The following SOCS4 variants were observed in gnomAD, a reference collection of about 807,000 sequenced individuals.
The protein encoded by SOCS4 is suppressor of cytokine signaling 4.
Under a neutral mutation model 34.1 loss-of-function variants are expected in SOCS4, and 20 were observed. The observed-to-expected ratio is 0.59, with a 90% CI of 0.41 to 0.85. The LOEUF is 0.85. SOCS4 is among the 40% of genes least tolerant of loss of function. The probability of loss-of-function intolerance (pLI) is 0.00; values close to 1 mark genes in which losing one functional copy is unlikely to be tolerated. For synonymous variants in SOCS4, 180 were observed against 186.4 expected, an observed-to-expected ratio of 0.97 and a Z score of 0.28; for missense variants, 479 against 532.4, an observed-to-expected ratio of 0.90 and a Z score of 0.99.
intron 1 of SOCS4, among the ~76,000 whole-genome samples, chr14:55,028,784 C>T (rs2042498072): frequency 6.6e-6 from 1 of 152,090 alleles, no homozygotes; most frequent in Non-Finnish European, 1.5e-5. Context: ...CTTGAGCCTC[C>T]GAGTTTAACA....
In SOCS4 at chr14:55,045,112, A is replaced by G. The variant is rs963981120; in HGVS notation, c.*748A>G. ...CATTCCTGAATAGGTCTTTCTCTCA[A>G]CCTGCAAGAGCTAAACCATCTTCAA... is the stretch of plus-strand genomic sequence containing the variant. On this transcript the variant is annotated 3_prime_UTR_variant, in exon 3 of 3. Transcript: ENST00000555846. 56 of 166,956 alleles carry G rather than the reference A, an allele frequency of 3.4e-4. No individual in the cohort carries two copies. The highest frequency in any genetic ancestry group is 5.9e-5 in the Non-Finnish European group (4 of 68,046). The allele number at this position is 166,956 out of a possible 1,614,324, so 10.3% of individuals were successfully genotyped here.
chr14:55,038,451 G>GCT (rs2140246165), intron 2 of SOCS4, among the ~76,000 whole-genome samples: 1 of 152,290 alleles, frequency 6.6e-6, no homozygotes, highest in East Asian at 1.9e-4. Context: ...AGGATTCCCA[G>GCT]CTATCAGCTT....
chr14:55,038,091 A>G (rs2042588749), intron 2 of SOCS4, among the ~76,000 whole-genome samples: 1 of 152,190 alleles, frequency 6.6e-6, no homozygotes, highest in African/African-American at 2.4e-5. Flanking sequence ...ATGAGGAGCA[A>G]AGTCACATCT....
Position 55,046,456 on chromosome 14 carries a change from T to C in SOCS4, c.*2092T>C, listed in dbSNP as rs1038149931. 4.8e-5 allele frequency: 8 copies of C among 166,730 alleles called. No homozygotes were observed. Among genetic ancestry groups the C allele is most frequent in the East Asian group, 1.9e-4 (1 of 5,210 alleles). 10.3% of individuals were successfully genotyped at this position (166,730 alleles called of 1,614,324 possible). On this transcript the variant is annotated 3_prime_UTR_variant, in exon 3 of 3. Transcript: ENST00000555846. ...CTAAGGGATGACTAGCTTACAAATA[T>C]TCTGTTAAGGGGTAGTTTTATAAAG...
chr14:55,032,518 T>G (rs940317510), intron 2 of SOCS4, among the ~76,000 whole-genome samples: 6 of 152,056 alleles, frequency 3.9e-5, no homozygotes, highest in African/African-American at 1.4e-4. Flanking sequence ...TTTTTGCTCA[T>G]TAAGAAATAT....
intron 1 of SOCS4, among the ~76,000 whole-genome samples, chr14:55,030,574 T>C (rs927709665): frequency 6.6e-6 from 1 of 152,142 alleles, no homozygotes; most frequent in Non-Finnish European, 1.5e-5. Context: ...TTTTTAGAAA[T>C]GTACTTCTTC....
At chr14:55,032,625 G>A (rs2042537839) in intron 2 of SOCS4, among the ~76,000 whole-genome samples, 1 of 152,060 alleles carries the variant, frequency 6.6e-6, no homozygotes, top group South Asian at 2.1e-4. Flanking sequence ...AGCCAAAGCA[G>A]CCTTTTCCCA....
chr14:55,042,675 G>A (rs547575289), intron 2 of SOCS4, among the ~76,000 whole-genome samples: 1 of 152,234 alleles, frequency 6.6e-6, no homozygotes, highest in East Asian at 1.9e-4. Flanking sequence ...ATTTATTATG[G>A]TTGATAGAGG....
chr14:55,031,461 T>A (rs1377809032), intron 1 of SOCS4, among the ~76,000 whole-genome samples: 1 of 152,236 alleles, frequency 6.6e-6, no homozygotes, highest in Admixed American at 6.5e-5. Flanking sequence ...GTTTGCTAAA[T>A]ATGCACTGTA....
In SOCS4 at chr14:55,040,281, G is replaced by C. The variant is rs142780520; in HGVS notation, c.-90-2671G>C. Among the ~76,000 whole-genome samples the C allele has an allele frequency of 6.1e-3, 923 of 152,268 alleles. 9 individuals carry two copies. Among genetic ancestry groups the C allele is most frequent in the African/African-American group, 0.021 (857 of 41,550 alleles). On this transcript the variant is annotated intron_variant, in intron 2 of 2. Coordinates refer to ENST00000555846, the MANE Select transcript of SOCS4 (RefSeq NM_199421.2). ...TAAATCAAAATACAGTTGTCTCTGCGTATCCAAGGGAGATTGGTTCTAGGA... is the reference window on the plus strand; with the variant it reads ...TAAATCAAAATACAGTTGTCTCTGCCTATCCAAGGGAGATTGGTTCTAGGA...
Position 55,044,350 on chromosome 14 carries a change from G to C in SOCS4, c.1309G>C (p.Glu437Gln). The change falls in exon 3 of 3, where the codon GAA becomes CAA. Residue 437 changes from glutamate (E) to glutamine (Q), a missense_variant. By Grantham distance (29) the Glu-to-Gln change is conservative (BLOSUM62 2). Transcript: ENST00000555846. ...KVRVLRIDAP[E>Q]QQC ...TAGAGTACTCAGGATTGATGCACCA[G>C]AACAGCAATGCTAGTAACAGGATGG... is the stretch of plus-strand genomic sequence containing the variant. 6.2e-7 allele frequency: 1 copy of C among 1,605,550 alleles called. No homozygotes were observed. The highest frequency in any genetic ancestry group is 1.1e-5 in the South Asian group (1 of 90,548).
At chr14:55,030,382 A>G (rs963314028) in intron 1 of SOCS4, among the ~76,000 whole-genome samples, 1 of 152,126 alleles carries the variant, frequency 6.6e-6, no homozygotes, top group African/African-American at 2.4e-5. Flanking sequence ...AAAATAATAT[A>G]TTTAACATCA....
intron 1 of SOCS4, among the ~76,000 whole-genome samples, chr14:55,029,648 G>A (rs1050880550): frequency 3.3e-5 from 5 of 152,182 alleles, no homozygotes; most frequent in African/African-American, 9.6e-5. Context: ...AGTAAAATAT[G>A]TACTTGGTGT....
At position 55,046,489 on chromosome 14, in the gene SOCS4, A is replaced by G. The variant is rs1566758557; in HGVS notation, c.*2125A>G. The G allele has an allele frequency of 6.0e-6, 1 of 167,002 alleles. No individual in the cohort carries two copies. Among genetic ancestry groups the G allele is most frequent in the Non-Finnish European group, 1.5e-5 (1 of 68,028 alleles). The allele number at this position is 167,002 out of a possible 1,614,324, so 10.3% of individuals were successfully genotyped here. A position where few individuals can be genotyped will look rare whatever the true frequency, so the allele number is the denominator to read the frequency against. On this transcript the variant is annotated 3_prime_UTR_variant, in exon 3 of 3. Coordinates refer to ENST00000555846, the MANE Select transcript of SOCS4 (RefSeq NM_199421.2). ...AGGGGTAGTTTTATAAAGAAAAATG[A>G]TATATAGTTATGTTGTCTTTTATAG... is the stretch of plus-strand genomic sequence containing the variant.
chr14:55,027,915 C>T (rs1224196972), intron 1 of SOCS4, among the ~76,000 whole-genome samples: 2 of 152,216 alleles, frequency 1.3e-5, no homozygotes, highest in Non-Finnish European at 2.9e-5. Context: ...TAGCCTTGAG[C>T]ACTTACATTT....
intron 2 of SOCS4, among the ~76,000 whole-genome samples, chr14:55,032,557 T>C (rs1324545458): frequency 1.3e-5 from 2 of 152,160 alleles, no homozygotes; most frequent in Non-Finnish European, 2.9e-5. Context: ...TGTCATTCTG[T>C]ACTCCCCAGG....
intron 2 of SOCS4, among the ~76,000 whole-genome samples, chr14:55,042,365 G>A (rs2042628274): frequency 2.0e-5 from 3 of 152,154 alleles, no homozygotes; most frequent in African/African-American, 4.8e-5. Context: ...ATTGAAGTGA[G>A]TTTAAAACAC....
intron 2 of SOCS4, among the ~76,000 whole-genome samples, chr14:55,039,658 C>A (rs1418804792): frequency 6.6e-6 from 1 of 152,190 alleles, no homozygotes; most frequent in Non-Finnish European, 1.5e-5. Context: ...CTTTAGGAGG[C>A]CGAGGTGGGC....
At position 55,047,993 on chromosome 14, in the gene SOCS4, T is replaced by C; in HGVS notation, c.*3629T>C. 1 of 166,262 alleles carries C rather than the reference T, an allele frequency of 6.0e-6. No homozygotes were observed. 10.3% of individuals were successfully genotyped at this position (166,262 alleles called of 1,614,324 possible). On this transcript the variant is annotated 3_prime_UTR_variant, in exon 3 of 3. Coordinates refer to ENST00000555846, the MANE Select transcript of SOCS4 (RefSeq NM_199421.2). Reference sequence around the variant, plus strand: ...CTGGAGTGCAATGGCGCAATCTCGGTTCACTGCAACCTCTGCCTTCCAGGT... The same window carrying C: ...CTGGAGTGCAATGGCGCAATCTCGGCTCACTGCAACCTCTGCCTTCCAGGT...
Sources: gnomAD v4.1 joint callset for allele counts (sites outside exome capture counted in the v4.1 genomes callset) on GRCh38, gnomAD v4.1.1 for gene constraint, MANE v1.5 for transcripts, NCBI Gene and HGNC (gene_info 2026-07-23, HGNC 2026-07-21) for gene names.